The following NPSR1 variants were observed in gnomAD, a reference collection of about 807,000 sequenced individuals.
NPSR1 encodes the protein neuropeptide S receptor.
Under a neutral mutation model 46.9 loss-of-function variants are expected in NPSR1, and 48 were observed. That is an observed-to-expected ratio of 1.02 (90% confidence interval 0.81 to 1.30). The LOEUF is 1.30. NPSR1 is among the 50% of genes most tolerant of loss of function. The pLI is 0.00. For synonymous variants in NPSR1, 176 were observed against 168.1 expected (o/e 1.05, Z -0.36); for missense variants, 450 against 449.5 (o/e 1.00, Z -0.01).
chr7:34,877,123 C>A (rs1459712846), intron 8 of NPSR1, among the ~76,000 whole-genome samples: 3 of 152,300 alleles, frequency 2.0e-5, no homozygotes, highest in South Asian at 2.1e-4. Context: ...ACCAAGATGA[C>A]AATCATTCTG....
At chr7:34,742,611 T>C (rs1274234964) in intron 2 of NPSR1, among the ~76,000 whole-genome samples, 3 of 152,238 alleles carry the variant, frequency 2.0e-5, no homozygotes, top group Non-Finnish European at 2.9e-5. Context: ...CTCTTGTGAA[T>C]AGTACTGCAA....
intron 2 of NPSR1, among the ~76,000 whole-genome samples, chr7:34,689,600 G>A (rs1315111816): frequency 2.5e-4 from 7 of 27,842 alleles, no homozygotes; most frequent in Non-Finnish European, 3.4e-4. Context: ...GCCAGACTCT[G>A]TCTCAAAAAA....
At chr7:34,820,276 T>C (rs1162856780) in intron 4 of NPSR1, among the ~76,000 whole-genome samples, 1 of 152,214 alleles carries the variant, frequency 6.6e-6, no homozygotes, top group Non-Finnish European at 1.5e-5. Flanking sequence ...GCTTTTTATA[T>C]GCCAATTATA....
chr7:34,737,252 TC>T (rs1361777648), intron 2 of NPSR1, among the ~76,000 whole-genome samples: 4 of 152,304 alleles, frequency 2.6e-5, no homozygotes, highest in African/African-American at 9.6e-5. Context: ...CTACTCTAGA[TC>T]TTCGCTCCAA....
At chr7:34,663,843 A>G (rs1184858473) in intron 1 of NPSR1, among the ~76,000 whole-genome samples, 2 of 152,320 alleles carry the variant, frequency 1.3e-5, no homozygotes, top group Non-Finnish European at 2.9e-5. Context: ...GCTGTTTAAG[A>G]TATCCTCACT....
chr7:34,708,631 G>A (rs1794227445), intron 2 of NPSR1, among the ~76,000 whole-genome samples: 1 of 152,216 alleles, frequency 6.6e-6, no homozygotes, highest in South Asian at 2.1e-4. Flanking sequence ...CTTTGGGATT[G>A]GGGCACCTGG....
intron 8 of NPSR1, among the ~76,000 whole-genome samples, chr7:34,867,860 C>T (rs1277250253): frequency 6.6e-6 from 1 of 151,860 alleles, no homozygotes; most frequent in Non-Finnish European, 1.5e-5. Flanking sequence ...AAAGGAGGAA[C>T]TCCAAAATCT....
At chr7:34,689,899 C>G (rs1793159052) in intron 2 of NPSR1, among the ~76,000 whole-genome samples, 1 of 150,668 alleles carries the variant, frequency 6.6e-6, no homozygotes, top group African/African-American at 2.4e-5. Context: ...GAGCCAAGAT[C>G]ATGCCACTGC....
chr7:34,722,195 A>G (rs1783894712), intron 2 of NPSR1, among the ~76,000 whole-genome samples: 2 of 152,164 alleles, frequency 1.3e-5, no homozygotes, highest in African/African-American at 4.8e-5. Flanking sequence ...AAAGTGAAAA[A>G]TGTTAAAGTA....
Position 34,827,553 on chromosome 7 carries a change from A to G in NPSR1, c.631A>G (p.Met211Val), listed in dbSNP as rs866505058. 2.0e-6 allele frequency: 3 copies of G among 1,522,042 alleles called. No homozygotes were observed. In the African/African-American group the frequency reaches 4.3e-5, roughly 22 times the overall value. 94.3% of individuals were successfully genotyped at this position (1,522,042 alleles called of 1,614,324 possible). A position where few individuals can be genotyped will look rare whatever the true frequency, so the allele number is the denominator to read the frequency against. The part of the protein sequence containing the change: ...WPDDSYWTPY[M>V]TIVAFLVYFI... Reference sequence around the variant, plus strand: ...TGACGACTCCTACTGGACCCCATACATGACCATCGTGGCCTTCCTGGTGTA... The same window carrying G: ...TGACGACTCCTACTGGACCCCATACGTGACCATCGTGGCCTTCCTGGTGTA... Residue 211 changes from methionine (M) to valine (V), a missense_variant, in exon 5 of 9, where the codon ATG becomes GTG. Physicochemically the swap from Met to Val is conservative, Grantham distance 21. Transcript: ENST00000360581.
intron 2 of NPSR1, among the ~76,000 whole-genome samples, chr7:34,767,042 G>A (rs1411191631): frequency 6.6e-6 from 1 of 152,156 alleles, no homozygotes. Flanking sequence ...GGAATTTCTC[G>A]ACAGTTGTAG....
chr7:34,864,135 C>T (rs1363234561), intron 8 of NPSR1, among the ~76,000 whole-genome samples: 5 of 151,706 alleles, frequency 3.3e-5, no homozygotes, highest in Admixed American at 3.3e-4. Context: ...GAAAACCAAA[C>T]ACTGCATGTC....
chr7:34,700,281 T>G (rs544109455), intron 2 of NPSR1, among the ~76,000 whole-genome samples: 1 of 152,294 alleles, frequency 6.6e-6, no homozygotes, highest in East Asian at 1.9e-4. Context: ...AGATGAATAC[T>G]GCAGAGGTAG....
chr7:34,707,042 T>C (rs765380484), intron 2 of NPSR1, among the ~76,000 whole-genome samples: 4 of 152,186 alleles, frequency 2.6e-5, no homozygotes, highest in Non-Finnish European at 5.9e-5. Context: ...ATAATTCAAC[T>C]AAAAAGAATA....
intron 2 of NPSR1, among the ~76,000 whole-genome samples, chr7:34,725,907 C>T (rs1050159114): frequency 1.2e-4 from 19 of 152,148 alleles, no homozygotes; most frequent in African/African-American, 2.2e-4. Flanking sequence ...GAATAGGTCT[C>T]ACGAGATCTG....
intron 2 of NPSR1, among the ~76,000 whole-genome samples, chr7:34,720,047 C>T (rs982649155): frequency 6.6e-5 from 10 of 151,466 alleles, no homozygotes; most frequent in Admixed American, 3.9e-4. Context: ...TTTGGGAGGC[C>T]GAGGCGGGTG....
chr7:34,673,440 C>T (rs931908606), intron 1 of NPSR1, among the ~76,000 whole-genome samples: 1 of 152,176 alleles, frequency 6.6e-6, no homozygotes, highest in African/African-American at 2.4e-5. Flanking sequence ...AACATGTAAG[C>T]CAAGGCTCTC....
intron 6 of NPSR1, among the ~76,000 whole-genome samples, chr7:34,841,664 C>T (rs1382738566): frequency 1.3e-5 from 2 of 152,174 alleles, no homozygotes; most frequent in Non-Finnish European, 2.9e-5. Flanking sequence ...CTTTGCATTT[C>T]CTGGAATGGT....
At chr7:34,837,111 C>T (rs1307986468) in intron 6 of NPSR1, among the ~76,000 whole-genome samples, 1 of 152,172 alleles carries the variant, frequency 6.6e-6, no homozygotes, top group Non-Finnish European at 1.5e-5. Flanking sequence ...GCAGTTATCT[C>T]TGAGTGGTCG....
Sources: gnomAD v4.1 joint callset for allele counts (sites outside exome capture counted in the v4.1 genomes callset) on GRCh38, gnomAD v4.1.1 for gene constraint, MANE v1.5 for transcripts, NCBI Gene and HGNC (gene_info 2026-07-23, HGNC 2026-07-21) for gene names.